ITPR1: variants seen among roughly 807,000 people sequenced by gnomAD.
The protein encoded by ITPR1 is inositol 1,4,5-trisphosphate receptor type 1.
In ITPR1, 96 loss-of-function variants were observed where a neutral mutation model predicts 318.4. That is an observed-to-expected ratio of 0.30 (90% CI 0.26 to 0.36). The LOEUF is 0.36. Ranked by LOEUF, ITPR1 falls within the 10% of genes least tolerant of loss-of-function variation. The pLI is 1.00. For synonymous variants in ITPR1, 1,312 were observed against 1,289.9 expected, an observed-to-expected ratio of 1.02 and a Z score of -0.37; for missense variants, 2,440 against 3,460.2, an observed-to-expected ratio of 0.71 and a Z score of 7.40.
At chr3:4,818,001 C>G (rs1340924330) in intron 59 of ITPR1, 81 bp from the exon 60 acceptor site, 15 of 1,211,480 alleles carry the variant, frequency 1.2e-5, no homozygotes, top group East Asian at 1.0e-4. Flanking sequence ...AGCCCCCTTT[C>G]TACTGACAGT....
chr3:4,582,292 G>T (rs376392520), intron 4 of ITPR1, among the ~76,000 whole-genome samples: 1 of 152,136 alleles, frequency 6.6e-6, no homozygotes, highest in Non-Finnish European at 1.5e-5. Flanking sequence ...GAAACCGCTG[G>T]TTAATTTAAT....
chr3:4,648,164 G>A (rs1409313402), intron 10 of ITPR1, among the ~76,000 whole-genome samples: 1 of 151,340 alleles, frequency 6.6e-6, no homozygotes, highest in Admixed American at 6.6e-5. Flanking sequence ...AAAAAAAAAA[G>A]GATCAAGTTC....
chr3:4,828,061 G>T (rs2050197499), intron 60 of ITPR1, among the ~76,000 whole-genome samples: 1 of 152,130 alleles, frequency 6.6e-6, no homozygotes, highest in African/African-American at 2.4e-5. Flanking sequence ...AAGCCCATCA[G>T]ATGATAAAGC....
chr3:4,734,399 C>G (rs892471092), intron 43 of ITPR1, among the ~76,000 whole-genome samples: 3 of 152,114 alleles, frequency 2.0e-5, no homozygotes, highest in African/African-American at 7.2e-5. Context: ...GATATAAGGA[C>G]AAGTCAAGGA....
intron 59 of ITPR1, chr3:4,816,408 C>T (rs1434081736): frequency 4.6e-5 from 7 of 152,274 alleles, no homozygotes; most frequent in South Asian, 2.1e-4. Context: ...CTCATTGCAT[C>T]GTATCAGGAG....
chr3:4,781,059 T>C (rs1481772206), intron 49 of ITPR1, among the ~76,000 whole-genome samples: 1 of 152,236 alleles, frequency 6.6e-6, no homozygotes, highest in African/African-American at 2.4e-5. Flanking sequence ...TACGTGTGTA[T>C]GCTCCTGGCC....
At chr3:4,773,123 G>A (rs1388811155) in intron 46 of ITPR1, among the ~76,000 whole-genome samples, 1 of 152,250 alleles carries the variant, frequency 6.6e-6, no homozygotes, top group Non-Finnish European at 1.5e-5. Context: ...CAGGAGTGAG[G>A]AAGGCTGGAA....
intron 4 of ITPR1, among the ~76,000 whole-genome samples, chr3:4,622,711 C>T (rs2092689180): frequency 6.6e-6 from 1 of 152,216 alleles, no homozygotes; most frequent in African/African-American, 2.4e-5. Context: ...CCGCACCCGG[C>T]CTAAACATTT....
At chr3:4,587,528 C>G (rs934144535) in intron 4 of ITPR1, among the ~76,000 whole-genome samples, 1 of 152,128 alleles carries the variant, frequency 6.6e-6, no homozygotes, top group Non-Finnish European at 1.5e-5. Context: ...GCCTTGGCCT[C>G]CCAAAGTACT....
At chr3:4,680,961 C>T (rs936420559) in intron 25 of ITPR1, among the ~76,000 whole-genome samples, 19 of 152,204 alleles carry the variant, frequency 1.2e-4, no homozygotes, top group Admixed American at 7.2e-4. Context: ...CCACCTCCCC[C>T]GCAAAAATAC....
chr3:4,619,223 G>A (rs985560839), intron 4 of ITPR1, among the ~76,000 whole-genome samples: 1 of 152,020 alleles, frequency 6.6e-6, no homozygotes, highest in Non-Finnish European at 1.5e-5. Flanking sequence ...CTGAAATTTT[G>A]CAATGACATG....
intron 60 of ITPR1, among the ~76,000 whole-genome samples, chr3:4,822,919 G>A (rs569664818): frequency 5.3e-5 from 8 of 152,300 alleles, no homozygotes; most frequent in African/African-American, 1.7e-4. Context: ...CTTTCCCTGC[G>A]GGAACTTGAA....
intron 46 of ITPR1, 83 bp downstream of exon 46, chr3:4,768,847 C>A (rs1324621384): frequency 1.5e-6 from 2 of 1,331,562 alleles, no homozygotes; most frequent in Admixed American, 2.2e-5. Context: ...CAGCACCTCT[C>A]ACTTGGGCCA....
chr3:4,606,238 G>C (rs536369003), intron 4 of ITPR1, among the ~76,000 whole-genome samples: 2 of 152,252 alleles, frequency 1.3e-5, no homozygotes, highest in African/African-American at 4.8e-5. Context: ...AGGCAGTGAC[G>C]AACCCTGTGT....
intron 53 of ITPR1, among the ~76,000 whole-genome samples, chr3:4,798,862 T>A (rs1433619247): frequency 6.6e-6 from 1 of 152,236 alleles, no homozygotes; most frequent in Non-Finnish European, 1.5e-5. Flanking sequence ...TTTCCCATTT[T>A]TATGAAATTC....
intron 5 of ITPR1, among the ~76,000 whole-genome samples, chr3:4,638,377 G>C (rs1346811557): frequency 1.3e-5 from 2 of 152,192 alleles, no homozygotes; most frequent in Admixed American, 1.3e-4. Context: ...GATGAAGCCC[G>C]TTGCCCTTTA....
intron 4 of ITPR1, among the ~76,000 whole-genome samples, chr3:4,547,878 A>T (rs2085178329): frequency 6.6e-6 from 1 of 152,106 alleles, no homozygotes; most frequent in Non-Finnish European, 1.5e-5. Context: ...GAGGCCTTTG[A>T]GTATCATTCA....
At chr3:4,832,534 G>A (rs763237575) in intron 60 of ITPR1, among the ~76,000 whole-genome samples, 8 of 152,260 alleles carry the variant, frequency 5.3e-5, no homozygotes, top group Non-Finnish European at 1.0e-4. Flanking sequence ...AGGAAGCTGA[G>A]GCATGAGAAT....
intron 61 of ITPR1, among the ~76,000 whole-genome samples, chr3:4,838,546 C>T (rs569231476): frequency 2.0e-4 from 31 of 152,228 alleles, no homozygotes; most frequent in African/African-American, 7.5e-4. Flanking sequence ...AATTAGGTGC[C>T]AAAAAATCTT....
Sources: allele counts gnomAD v4.1 joint callset (sites outside exome capture counted in the v4.1 genomes callset), GRCh38; gene constraint gnomAD v4.1.1; transcripts MANE v1.5; gene names NCBI Gene and HGNC (gene_info 2026-07-23, HGNC 2026-07-21).